Variants in FAM193A observed in about 807,000 individuals in gnomAD.
FAM193A encodes the protein protein FAM193A.
Under a neutral mutation model 126.5 loss-of-function variants are expected in FAM193A, and 22 were observed. The observed-to-expected ratio is 0.17, with a 90% CI of 0.12 to 0.25. FAM193A has a LOEUF of 0.25. FAM193A is among the 10% of genes least tolerant of loss of function. The pLI, the probability that FAM193A is intolerant of heterozygous loss-of-function variation, is 1.00. For synonymous variants in FAM193A, 761 were observed against 646.8 expected (o/e 1.18, Z -2.68); for missense variants, 1,675 against 1,672.8 (o/e 1.00, Z -0.02).
intron 2 of FAM193A, among the ~76,000 whole-genome samples, chr4:2,617,154 C>A (rs1391454737): frequency 2.0e-5 from 2 of 101,060 alleles, no homozygotes; most frequent in African/African-American, 4.2e-5. Flanking sequence ...GGCGACAGAG[C>A]GAGACTCCAT....
chr4:2,567,004 A>G (rs1739003666), intron 1 of FAM193A, among the ~76,000 whole-genome samples: 1 of 151,518 alleles, frequency 6.6e-6, no homozygotes, highest in East Asian at 1.9e-4. Flanking sequence ...CAGTGGCACA[A>G]TCTCGGCTCA....
intron 2 of FAM193A, among the ~76,000 whole-genome samples, chr4:2,623,023 T>C (rs1176417334): frequency 6.6e-6 from 1 of 151,894 alleles, no homozygotes; most frequent in African/African-American, 2.4e-5. Flanking sequence ...CCCAACCCCC[T>C]ACCACTGCTG....
chr4:2,560,496 C>T lies in FAM193A; in HGVS notation c.255+23326C>T, dbSNP rs1738545908. Reference sequence around the variant, plus strand: ...CAGAAACATTGCTCAGGGAGCCAGGCCATTTGATGTGAGCTTCTGCATTTC... The same window carrying T: ...CAGAAACATTGCTCAGGGAGCCAGGTCATTTGATGTGAGCTTCTGCATTTC... On this transcript the variant is annotated intron_variant, in intron 1 of 20. Coordinates refer to ENST00000637812, the MANE Select transcript of FAM193A (RefSeq NM_001366318.2). Among the ~76,000 whole-genome samples, 5 of 152,146 alleles carry T rather than the reference C, an allele frequency of 3.3e-5. No homozygotes were observed. In the South Asian group the frequency reaches 1.0e-3, roughly 31 times the overall value.
Position 2,683,199 on chromosome 4 carries a change from A to G in FAM193A, c.2332-6307A>G, listed in dbSNP as rs141432486. 2.8e-3 allele frequency among the ~76,000 whole-genome samples: 425 copies of G among 151,614 alleles called. 12 individuals carry two copies. Among genetic ancestry groups the G allele is most frequent in the Admixed American group, 0.026 (390 of 15,260 alleles). ...GGCATGGTTTCTGATTTCTGACAAG[A>G]TGTCCTCTGGAATTCTTTTCGAATT... On this transcript the variant is annotated intron_variant, in intron 13 of 20. Transcript: ENST00000637812.
rs552121340 is a variant in FAM193A at position 2,731,980 on chromosome 4, G to C, written c.*112G>C. 3.6e-6 allele frequency: 3 copies of C among 831,786 alleles called. No homozygotes were observed. The South Asian group carries it at 4.2e-5, about 12-fold the overall frequency. The allele number at this position is 831,786 out of a possible 1,614,324, so 51.5% of individuals were successfully genotyped here. On this transcript the variant is annotated 3_prime_UTR_variant, in exon 21 of 21. Transcript: ENST00000637812. Reference sequence around the variant, plus strand: ...CGTGGTGCTTGCCAAGGGCTGTGCGGAGCTGGTGCTGCCTGAAACCCCAGA... The same window carrying C: ...CGTGGTGCTTGCCAAGGGCTGTGCGCAGCTGGTGCTGCCTGAAACCCCAGA...
At chr4:2,590,197 C>T (rs942431484) in intron 1 of FAM193A, among the ~76,000 whole-genome samples, 9 of 149,256 alleles carry the variant, frequency 6.0e-5, no homozygotes, top group African/African-American at 1.7e-4. Context: ...ATTGGCTGGG[C>T]GCCATGGCTC....
chr4:2,670,124 TC>T (rs1477060606), intron 12 of FAM193A, among the ~76,000 whole-genome samples: 1 of 152,168 alleles, frequency 6.6e-6, no homozygotes, highest in East Asian at 1.9e-4. Flanking sequence ...CTGCATACTT[TC>T]CCCTCATCTC....
chr4:2,665,573 G>C (rs1317234523), intron 12 of FAM193A, among the ~76,000 whole-genome samples: 4 of 151,962 alleles, frequency 2.6e-5, no homozygotes, highest in African/African-American at 9.7e-5. Flanking sequence ...CACTGCTGCA[G>C]TCATGGCTCA....
rs373317366 is a variant in FAM193A at position 2,693,802 on chromosome 4, G to A, written c.3020G>A (p.Arg1007His). The A allele has an allele frequency of 3.2e-5, 51 of 1,614,186 alleles. No homozygotes were observed. Among genetic ancestry groups the A allele is most frequent in the Admixed American group, 1.3e-4 (8 of 60,010 alleles). ...ATTTPGFVDTRKSFCPAPLPP... is the reference protein window; with the variant it reads ...ATTTPGFVDTHKSFCPAPLPP... The stretch of plus-strand genomic sequence containing the variant: ...ACAACTCCTGGGTTTGTGGACACAC[G>A]CAAGAGTTTCTGTCCTGCACCCCTA... The change falls in exon 16 of 21, where the codon CGC becomes CAC. Residue 1007 changes from arginine to histidine, a missense_variant. Physicochemically the swap from Arg to His is conservative, Grantham distance 29 (BLOSUM62 0). Transcript: ENST00000637812.
rs1005520980 is a variant in FAM193A at position 2,731,946 on chromosome 4, C to T, written c.*78C>T. On this transcript the variant is annotated 3_prime_UTR_variant, in exon 21 of 21. Transcript: ENST00000637812. ...CCAAGAGCCACGCCCCTCGCTGGCG[C>T]CCCAGAGCCGTGGTGCTTGCCAAGG... 13 of 1,126,758 alleles carry T rather than the reference C, an allele frequency of 1.2e-5. No individual in the cohort carries two copies. In the African/African-American group the frequency reaches 2.0e-4, roughly 17 times the overall value. The allele number at this position is 1,126,758 out of a possible 1,614,324, so 69.8% of individuals were successfully genotyped here.
At chr4:2,588,097 G>A (rs1409259527) in intron 1 of FAM193A, among the ~76,000 whole-genome samples, 2 of 152,182 alleles carry the variant, frequency 1.3e-5, no homozygotes, top group African/African-American at 4.8e-5. Flanking sequence ...TCAGCAGTCT[G>A]TGAATACCCA....
At chr4:2,539,735 TTATGACCCACTCC>T (rs1185130321) in intron 1 of FAM193A, among the ~76,000 whole-genome samples, 1 of 152,140 alleles carries the variant, frequency 6.6e-6, no homozygotes, top group Admixed American at 6.6e-5. Flanking sequence ...TGACCCACTC[TTATGACCCACTCC>T]AAGAAATAAA....
intron 20 of FAM193A, among the ~76,000 whole-genome samples, chr4:2,717,519 C>A (rs1719673939): frequency 6.6e-6 from 1 of 150,676 alleles, no homozygotes; most frequent in African/African-American, 2.4e-5. Flanking sequence ...TTGCTTGAAC[C>A]TGGGAGGCAC....
At chr4:2,651,171 A>G (rs922994396) in intron 7 of FAM193A, among the ~76,000 whole-genome samples, 1 of 152,184 alleles carries the variant, frequency 6.6e-6, no homozygotes, top group Non-Finnish European at 1.5e-5. Context: ...TCTCTACTAA[A>G]AATACAAAAT....
chr4:2,684,376 T>C (rs1037161743), intron 13 of FAM193A, among the ~76,000 whole-genome samples: 3 of 151,304 alleles, frequency 2.0e-5, no homozygotes, highest in African/African-American at 2.4e-5. Context: ...TTTAATTTAC[T>C]TTTTTTTTCC....
chr4:2,657,676 C>A, intron 7 of FAM193A, 127 bp from the exon 8 acceptor site: 1 of 620,534 alleles, frequency 1.6e-6, no homozygotes, highest in South Asian at 2.1e-5. Flanking sequence ...TATCTTTATT[C>A]TGTTTGCAGA....
intron 2 of FAM193A, among the ~76,000 whole-genome samples, chr4:2,617,146 C>T (rs1334115053): frequency 5.8e-5 from 6 of 104,142 alleles, no homozygotes; most frequent in East Asian, 2.7e-4. Context: ...CGAGCCTGGG[C>T]GACAGAGCGA....
At chr4:2,553,076 G>C (rs1738041267) in intron 1 of FAM193A, among the ~76,000 whole-genome samples, 3 of 152,008 alleles carry the variant, frequency 2.0e-5, no homozygotes, top group African/African-American at 7.3e-5. Flanking sequence ...TCAAACTCCT[G>C]ATCTCAAGTG....
chr4:2,535,878 G>T (rs1402311121), upstream of FAM193A, among the ~76,000 whole-genome samples: 3 of 152,246 alleles, frequency 2.0e-5, no homozygotes, highest in Middle Eastern at 3.4e-3. Context: ...ACCGACCGGC[G>T]TGTCCCAGCC....
Sources: allele counts gnomAD v4.1 joint callset (sites outside exome capture counted in the v4.1 genomes callset), GRCh38; gene constraint gnomAD v4.1.1; transcripts MANE v1.5; gene names NCBI Gene and HGNC (gene_info 2026-07-23, HGNC 2026-07-21).